Variants in TBCD observed in about 807,000 individuals in gnomAD.
The protein encoded by TBCD is tubulin-specific chaperone D.
TBCD carries 105 observed loss-of-function variants against 169.3 expected under a neutral mutation model. That is an observed-to-expected ratio of 0.62 (90% CI 0.53 to 0.73). The LOEUF (loss-of-function observed/expected upper bound fraction) is 0.73. TBCD is among the 30% of genes least tolerant of loss of function. TBCD has a pLI of 0.00. For synonymous variants in TBCD, 700 were observed against 643.9 expected (o/e 1.09, Z -1.32); for missense variants, 1,444 against 1,600.1 (o/e 0.90, Z 1.66).
chr17:82,899,338 G>T (rs895780376), intron 17 of TBCD, among the ~76,000 whole-genome samples: 11 of 150,908 alleles, frequency 7.3e-5, no homozygotes, highest in Non-Finnish European at 1.6e-4. Context: ...TCCTCAGCTC[G>T]TGTCCTCAGT....
intron 13 of TBCD, chr17:82,859,620 G>C (rs2056599912): frequency 1.0e-6 from 1 of 985,356 alleles, no homozygotes; most frequent in Admixed American, 6.1e-5. Flanking sequence ...GCCCTGTAGT[G>C]AGGACAAAGA....
intron 13 of TBCD, among the ~76,000 whole-genome samples, chr17:82,842,609 C>G (rs570297246): frequency 1.3e-5 from 2 of 152,200 alleles, no homozygotes; most frequent in East Asian, 3.9e-4. Context: ...AGGCACACAC[C>G]TTTTATAGGC....
At chr17:82,779,332 G>A (rs1432685464) in intron 6 of TBCD, among the ~76,000 whole-genome samples, 3 of 152,084 alleles carry the variant, frequency 2.0e-5, no homozygotes, top group Non-Finnish European at 4.4e-5. Flanking sequence ...TGTTTACCAG[G>A]CTGGTCTTGA....
intron 34 of TBCD, among the ~76,000 whole-genome samples, chr17:82,934,834 C>T (rs746665268): frequency 5.3e-5 from 8 of 152,128 alleles, no homozygotes; most frequent in Non-Finnish European, 1.0e-4. Flanking sequence ...CGCCATGGCT[C>T]ACGCCTGTAA....
At chr17:82,797,901 T>C in intron 8 of TBCD, 99 bp downstream of exon 8, 1 of 831,466 alleles carries the variant, frequency 1.2e-6, no homozygotes, top group Non-Finnish European at 1.8e-6. Context: ...ATATAGGAAC[T>C]GTACATTGGT....
At chr17:82,907,154 T>C (rs542216656) in intron 20 of TBCD, among the ~76,000 whole-genome samples, 21 of 152,360 alleles carry the variant, frequency 1.4e-4, no homozygotes, top group African/African-American at 4.8e-4. Flanking sequence ...GCACACGGTT[T>C]GCGCAGATTG....
At chr17:82,845,044 T>C (rs2054889143) in intron 13 of TBCD, among the ~76,000 whole-genome samples, 1 of 151,854 alleles carries the variant, frequency 6.6e-6, no homozygotes. Flanking sequence ...TGGTGGCTGC[T>C]CTTGGGGGTA....
intron 6 of TBCD, among the ~76,000 whole-genome samples, chr17:82,779,360 A>G (rs951103116): frequency 6.6e-6 from 1 of 151,868 alleles, no homozygotes. Flanking sequence ...AACTCAAGCT[A>G]TTCACCCACC....
chr17:82,912,763 T>C (rs886826669), intron 23 of TBCD, among the ~76,000 whole-genome samples: 5 of 152,230 alleles, frequency 3.3e-5, no homozygotes, highest in Non-Finnish European at 7.3e-5. Flanking sequence ...CCTGACCTGA[T>C]AGGGACCTGC....
intron 13 of TBCD, among the ~76,000 whole-genome samples, chr17:82,855,675 CAG>C (rs1243575016): frequency 6.6e-6 from 1 of 152,152 alleles, no homozygotes; most frequent in East Asian, 1.9e-4. Context: ...GTGAAAAACT[CAG>C]AGCATTTAGT....
chr17:82,768,853 C>G (rs1190143020), intron 5 of TBCD, among the ~76,000 whole-genome samples: 1 of 151,970 alleles, frequency 6.6e-6, no homozygotes, highest in Non-Finnish European at 1.5e-5. Flanking sequence ...GAATAAGGAC[C>G]CATTTTACAT....
intron 12 of TBCD, among the ~76,000 whole-genome samples, chr17:82,812,298 G>A (rs1187789274): frequency 1.3e-5 from 2 of 152,302 alleles, no homozygotes; most frequent in African/African-American, 4.8e-5. Flanking sequence ...TGGAAGCCAC[G>A]GCACTACGCT....
chr17:82,865,212 A>G (rs1320645351), intron 13 of TBCD, among the ~76,000 whole-genome samples: 1 of 151,018 alleles, frequency 6.6e-6, no homozygotes, highest in South Asian at 2.2e-4. Context: ...GACAGGAGCC[A>G]TGGCTGTGTG....
intron 13 of TBCD, 129 bp from the exon 14 acceptor site, chr17:82,870,095 C>T (rs1284002799): frequency 1.1e-5 from 14 of 1,289,110 alleles, no homozygotes; most frequent in East Asian, 9.5e-5. Flanking sequence ...GGGTGGGCTC[C>T]GTGTCGCTTG....
intron 13 of TBCD, among the ~76,000 whole-genome samples, chr17:82,846,711 AG>A (rs555263477): frequency 0.01 from 1,564 of 152,320 alleles, 21 homozygotes; most frequent in African/African-American, 0.035. Context: ...GCAGCCCAGG[AG>A]CGGGTCACAG....
intron 8 of TBCD, among the ~76,000 whole-genome samples, chr17:82,799,059 C>G (rs536871589): frequency 1.7e-4 from 26 of 152,284 alleles, no homozygotes; most frequent in African/African-American, 6.3e-4. Flanking sequence ...TTAGATTGAG[C>G]CTCAATTTCT....
At chr17:82,766,579 T>A (rs2048028591) in intron 4 of TBCD, among the ~76,000 whole-genome samples, 1 of 152,184 alleles carries the variant, frequency 6.6e-6, no homozygotes, top group Non-Finnish European at 1.5e-5. Context: ...ATAGCCCCTT[T>A]ATAAAAAAAA....
intron 7 of TBCD, among the ~76,000 whole-genome samples, chr17:82,793,224 T>TCAC (rs2144545425): frequency 6.6e-6 from 1 of 152,348 alleles, no homozygotes; most frequent in African/African-American, 2.4e-5. Context: ...TCAATGGCTT[T>TCAC]TTTCCTCTGA....
chr17:82,753,048 A>G (rs779699239), intron 1 of TBCD, among the ~76,000 whole-genome samples: 14 of 152,234 alleles, frequency 9.2e-5, no homozygotes, highest in South Asian at 2.1e-4. Flanking sequence ...ACCGCTGTCT[A>G]TAATGGGTTA....
Sources: allele counts gnomAD v4.1 joint callset (sites outside exome capture counted in the v4.1 genomes callset), GRCh38; gene constraint gnomAD v4.1.1; transcripts MANE v1.5; gene names NCBI Gene and HGNC (gene_info 2026-07-23, HGNC 2026-07-21).